CLEC4D: variants seen among roughly 807,000 people sequenced by gnomAD.
CLEC4D encodes C-type lectin domain family 4 member D.
Under a neutral mutation model 21.1 loss-of-function variants are expected in CLEC4D, and 21 were observed. That is an observed-to-expected ratio of 1.00 (90% confidence interval 0.71 to 1.43). The LOEUF is 1.43. Among genes scored for constraint, CLEC4D ranks in the 40% most tolerant of loss-of-function variants. CLEC4D has a pLI of 0.00. For synonymous variants in CLEC4D, 85 were observed against 83.1 expected (o/e 1.02, Z -0.12); for missense variants, 289 against 260.7 (o/e 1.11, Z -0.75).
At chr12:8,519,206 T>C in intron 4 of CLEC4D, 46 bp downstream of exon 4, 1 of 1,585,486 alleles carries the variant, frequency 6.3e-7, no homozygotes, top group Non-Finnish European at 8.6e-7. Flanking sequence ...TTTGAATCTC[T>C]TTCCAGAAAA....
At position 8,519,975 on chromosome 12, in the gene CLEC4D, G is replaced by A. The variant is rs111888774; in HGVS notation, c.385-251G>A. On this transcript the variant is annotated intron_variant, in intron 4 of 5. Transcript: ENST00000299665. ...AAGCATTGTGCTAAAAGGGTTGCAA[G>A]TCTGACCTCACTTAATCTTCCTAGT... is the stretch of plus-strand genomic sequence containing the variant. Among the ~76,000 whole-genome samples the A allele has an allele frequency of 1.9e-3, 290 of 152,308 alleles. 2 individuals are homozygous for A. Among genetic ancestry groups the A allele is most frequent in the African/African-American group, 6.7e-3 (278 of 41,562 alleles).
At chr12:8,520,684 T>C (rs1240361656) in intron 5 of CLEC4D, among the ~76,000 whole-genome samples, 1 of 152,220 alleles carries the variant, frequency 6.6e-6, no homozygotes, top group Non-Finnish European at 1.5e-5. Flanking sequence ...GAAGCCAGTA[T>C]CGTTTAGTAA....
At chr12:8,519,269 T>G in intron 4 of CLEC4D, 109 bp downstream of exon 4, 2 of 1,401,274 alleles carry the variant, frequency 1.4e-6, no homozygotes, top group Non-Finnish European at 1.9e-6. Flanking sequence ...CTGCTCCATC[T>G]GCCTGGAAAG....
intron 1 of CLEC4D, among the ~76,000 whole-genome samples, chr12:8,514,578 A>C (rs1940351661): frequency 6.6e-6 from 1 of 152,168 alleles, no homozygotes; most frequent in Non-Finnish European, 1.5e-5. Context: ...AATGCCACTA[A>C]ATTGATCCTT....
chr12:8,521,426 GACA>G lies in CLEC4D; in HGVS notation c.*159_*161del. On this transcript the variant is annotated 3_prime_UTR_variant, in exon 6 of 6. Transcript: ENST00000299665. The stretch of plus-strand genomic sequence containing the variant: ...TTTTTATTTTGTTTGATTCATTCGA[GACA>G]ACATGTGTGTATGTGTGTGTGTGTG... 6 of 1,401,352 alleles carry G rather than the reference GACA, an allele frequency of 4.3e-6. No homozygotes were observed. Among genetic ancestry groups the G allele is most frequent in the Non-Finnish European group, 5.6e-6 (6 of 1,076,034 alleles). 86.8% of individuals were successfully genotyped at this position (1,401,352 alleles called of 1,614,324 possible).
chr12:8,514,736 G>A (rs761270059), intron 1 of CLEC4D, among the ~76,000 whole-genome samples: 46 of 151,948 alleles, frequency 3.0e-4, no homozygotes, highest in Admixed American at 8.5e-4. Flanking sequence ...CAATCTTTTC[G>A]TTTACAGTTC....
downstream of CLEC4D, among the ~76,000 whole-genome samples, chr12:8,527,304 GTCTGCTGA>G (rs1396498974): frequency 6.6e-6 from 1 of 152,196 alleles, no homozygotes; most frequent in East Asian, 1.9e-4. Flanking sequence ...GAGAGGCTAA[GTCTGCTGA>G]TCTGCAGAGA....
chr12:8,528,778 A>G, the CLEC4D span, among the ~76,000 whole-genome samples: 1 of 152,156 alleles, frequency 6.6e-6, no homozygotes, highest in South Asian at 2.1e-4. Flanking sequence ...TCTTCAGAGT[A>G]ACTATGATTA....
chr12:8,518,872 G>A (rs1272899869), intron 3 of CLEC4D, 137 bp from the exon 4 acceptor site: 1 of 1,389,368 alleles, frequency 7.2e-7, no homozygotes, highest in East Asian at 2.6e-5. Context: ...TCTTTTGGTA[G>A]GAGAACAGAA....
Position 8,521,219 on chromosome 12 carries a change from G to A in CLEC4D, c.596G>A (p.Cys199Tyr), listed in dbSNP as rs368418350. Reference sequence around the variant, plus strand: ...AAATGGGCCTGGAATGATGTTCCTTGTAACTTTGAAGCAAGTAGGATTTGT... The same window carrying A: ...AAATGGGCCTGGAATGATGTTCCTTATAACTTTGAAGCAAGTAGGATTTGT... ...QDKWAWNDVP[C>Y]NFEASRICKI... is the part of the protein sequence containing the mutation. The change falls in exon 6 of 6, where the codon TGT (cysteine) becomes TAT (tyrosine). Residue 199 changes from cysteine (C) to tyrosine (Y), a missense_variant. Coordinates refer to ENST00000299665, the MANE Select transcript of CLEC4D (RefSeq NM_080387.5). 1.2e-6 allele frequency: 2 copies of A among 1,613,378 alleles called. No homozygotes were observed. Among genetic ancestry groups the A allele is most frequent in the East Asian group, 2.2e-5 (1 of 44,844 alleles).
chr12:8,521,296 T>A lies in CLEC4D; in HGVS notation c.*25T>A. On this transcript the variant is annotated 3_prime_UTR_variant, in exon 6 of 6. Coordinates refer to ENST00000299665, the MANE Select transcript of CLEC4D (RefSeq NM_080387.5). ...GAAACTCAGAAAGTGGTCCTTGTGA[T>A]GGAAAGAGAAAAGAAAAACCAATTA... is the stretch of plus-strand genomic sequence containing the variant. 1 of 1,590,746 alleles carries A rather than the reference T, an allele frequency of 6.3e-7. No individual in the cohort carries two copies. Among genetic ancestry groups the A allele is most frequent in the Middle Eastern group, 1.7e-4 (1 of 5,926 alleles).
In CLEC4D at chr12:8,519,122, G is replaced by A. The variant is rs777136998; in HGVS notation, c.346G>A (p.Gly116Arg). ...AESERNCSGM[G>R]AHLMTISTEA... ...GAGTGAAAGGAACTGTTCAGGGATG[G>A]GGGCCCATCTGATGACCATCAGCAC... is the stretch of plus-strand genomic sequence containing the variant. Residue 116 changes from glycine to arginine, a missense_variant, in exon 4 of 6, where the codon GGG (glycine) becomes AGG (arginine). Transcript: ENST00000299665. 4 of 1,613,894 alleles carry A rather than the reference G, an allele frequency of 2.5e-6. No homozygotes were observed. The highest frequency in any genetic ancestry group is 1.3e-5 in the African/African-American group (1 of 74,886).
downstream of CLEC4D, among the ~76,000 whole-genome samples, chr12:8,527,098 G>C (rs1940512606): frequency 6.6e-6 from 1 of 152,132 alleles, no homozygotes; most frequent in Non-Finnish European, 1.5e-5. Context: ...ACCTTCAGGA[G>C]CACCAACCTG....
chr12:8,525,840 A>G (rs1940501644), downstream of CLEC4D, among the ~76,000 whole-genome samples: 1 of 152,144 alleles, frequency 6.6e-6, no homozygotes, highest in South Asian at 2.1e-4. Flanking sequence ...TTTACTTTCC[A>G]TATTTAGTGA....
At chr12:8,526,668 T>G (rs899242356), downstream of CLEC4D, among the ~76,000 whole-genome samples, 2 of 152,236 alleles carry the variant, frequency 1.3e-5, no homozygotes, top group Non-Finnish European at 2.9e-5. Flanking sequence ...ATTATCCATC[T>G]TCTATAGATT....
Position 8,522,211 on chromosome 12 carries a change from T to C in CLEC4D, c.*940T>C. 1 of 152,192 alleles carries C rather than the reference T, an allele frequency of 6.6e-6. No homozygotes were observed. The highest frequency in any genetic ancestry group is 1.9e-4 in the East Asian group (1 of 5,204). 9.4% of individuals were successfully genotyped at this position (152,192 alleles called of 1,614,324 possible). ...ACATTTTCAACCCATTTATACAAAT[T>C]GTTAATGTTTCTTTAGAGCTGTATA... On this transcript the variant is annotated 3_prime_UTR_variant, in exon 6 of 6. Transcript: ENST00000299665.
the CLEC4D span, among the ~76,000 whole-genome samples, chr12:8,528,420 A>G: frequency 6.6e-6 from 1 of 152,158 alleles, no homozygotes; most frequent in Non-Finnish European, 1.5e-5. Flanking sequence ...CTCCATCACT[A>G]TAAGAAATAA....
downstream of CLEC4D, among the ~76,000 whole-genome samples, chr12:8,525,050 T>C (rs12302126): frequency 0.072 from 10,929 of 152,264 alleles, 766 homozygotes; most frequent in African/African-American, 0.18. Context: ...TTGATTGCAG[T>C]GTGATCTGAG....
In CLEC4D at chr12:8,521,715, A is replaced by C. The variant is rs1198606170; in HGVS notation, c.*444A>C. Reference sequence around the variant, plus strand: ...TATTGCAAGCACTTTAAAGATTTGAAACCACATTTTTATTGTTTGATGTTT... The same window carrying C: ...TATTGCAAGCACTTTAAAGATTTGACACCACATTTTTATTGTTTGATGTTT... On this transcript the variant is annotated 3_prime_UTR_variant, in exon 6 of 6. Coordinates refer to ENST00000299665, the MANE Select transcript of CLEC4D (RefSeq NM_080387.5). 1 of 153,686 alleles carries C rather than the reference A, an allele frequency of 6.5e-6. No homozygotes were observed. Among genetic ancestry groups the C allele is most frequent in the African/African-American group, 2.4e-5 (1 of 41,450 alleles). The allele number at this position is 153,686 out of a possible 1,614,324, so 9.5% of individuals were successfully genotyped here.
Sources: gnomAD v4.1 joint callset for allele counts (sites outside exome capture counted in the v4.1 genomes callset) on GRCh38, gnomAD v4.1.1 for gene constraint, MANE v1.5 for transcripts, NCBI Gene and HGNC (gene_info 2026-07-23, HGNC 2026-07-21) for gene names.